The following EMB variants were observed in gnomAD, a reference collection of about 807,000 sequenced individuals.
EMB encodes the protein embigin.
A neutral mutation model predicts 41.4 loss-of-function variants in EMB; 31 were observed. The observed-to-expected ratio is 0.75, with a 90% CI of 0.56 to 1.01. EMB has a LOEUF of 1.01. Ranked by LOEUF, EMB falls within the 50% of genes least tolerant of loss-of-function variation. The probability of loss-of-function intolerance (pLI) is 0.00; values close to 1 mark genes in which losing one functional copy is unlikely to be tolerated. For missense variants in EMB, 379 were observed against 388.3 expected (o/e 0.98, Z 0.20); for synonymous variants, 137 against 140.4 (o/e 0.98, Z 0.17).
rs1226525715 is a variant in EMB at position 50,420,915 on chromosome 5, T to A, written c.196+7229A>T. On this transcript the variant is annotated intron_variant, in intron 2 of 8. Transcript: ENST00000303221. ...GATATGCAAGAAATGCATAAGAAGT[T>A]CTTGTCTCACACAGTTGACTCATCC... is the stretch of plus-strand genomic sequence containing the variant. Among the ~76,000 whole-genome samples, 25 of 152,164 alleles carry A rather than the reference T, an allele frequency of 1.6e-4. 1 individual carries two copies.
chr5:50,423,787 A>G (rs1745565060), intron 2 of EMB, among the ~76,000 whole-genome samples: 1 of 152,220 alleles, frequency 6.6e-6, no homozygotes, highest in East Asian at 1.9e-4. Context: ...GGACAGGCCC[A>G]CGTCTTTAAA....
chr5:50,419,211 A>C (rs1005018593), intron 2 of EMB, among the ~76,000 whole-genome samples: 1 of 152,104 alleles, frequency 6.6e-6, no homozygotes, highest in Non-Finnish European at 1.5e-5. Flanking sequence ...TATAAATCAC[A>C]CTTTAGTATT....
intron 4 of EMB, 26 bp downstream of exon 4, chr5:50,410,851 C>T (rs1745323779): frequency 7.3e-7 from 1 of 1,365,636 alleles, no homozygotes; most frequent in Middle Eastern, 1.9e-4. Flanking sequence ...AAGTTATTAA[C>T]TATTCCTCAA....
At chr5:50,415,056 C>T (rs150039964) in intron 2 of EMB, among the ~76,000 whole-genome samples, 4,789 of 152,134 alleles carry the variant, frequency 0.031, 100 homozygotes, top group Non-Finnish European at 0.048. Context: ...TCTGGATATC[C>T]CATGAGAACT....
At chr5:50,402,378 T>G (rs181260350) in intron 6 of EMB, 59 bp from the exon 7 acceptor site, 1 of 1,466,634 alleles carries the variant, frequency 6.8e-7, no homozygotes, top group Non-Finnish European at 9.5e-7. Flanking sequence ...ATGGAACATA[T>G]ATGCTCAATT....
At chr5:50,443,214 T>C (rs546000583), upstream of EMB, 161 of 152,304 alleles carry the variant, frequency 1.1e-3, no homozygotes, top group African/African-American at 3.8e-3. Context: ...CTCAGAGTAT[T>C]GCAGTTCTGA....
intron 2 of EMB, among the ~76,000 whole-genome samples, chr5:50,426,370 A>G (rs1745610560): frequency 6.6e-6 from 1 of 152,252 alleles, no homozygotes; most frequent in African/African-American, 2.4e-5. Flanking sequence ...AACATGGTAC[A>G]TAGTCAACAT....
intron 1 of EMB, among the ~76,000 whole-genome samples, chr5:50,440,727 C>T (rs1407905737): frequency 2.0e-5 from 3 of 152,046 alleles, no homozygotes; most frequent in Non-Finnish European, 4.4e-5. Flanking sequence ...ACCCACACAC[C>T]CCACTGCCTT....
upstream of EMB, chr5:50,441,320 C>T: frequency 2.5e-6 from 1 of 399,442 alleles, no homozygotes; most frequent in East Asian, 3.7e-5. Context: ...CGCCTTGCCC[C>T]ACTCCCCCGA....
Position 50,403,173 on chromosome 5 carries a change from C to G in EMB, c.877+5G>C. The G allele has an allele frequency of 6.4e-7, 1 of 1,559,220 alleles. No individual in the cohort carries two copies. The highest frequency in any genetic ancestry group is 8.6e-7 in the Non-Finnish European group (1 of 1,157,764). On this transcript the variant is annotated splice_donor_5th_base_variant and intron_variant, in intron 6 of 8. Transcript: ENST00000303221. ...AAAACAAAAAACAAAAAAAAGAAAT[C>G]CCACCTGAGTGCTTCTTTTTCTTTT... is the stretch of plus-strand genomic sequence containing the variant.
At chr5:50,428,733 C>T (rs764962012) in intron 1 of EMB, 43 of 985,254 alleles carry the variant, frequency 4.4e-5, no homozygotes, top group African/African-American at 7.0e-5. Context: ...TTTCTAGCTA[C>T]GGTTACCAAG....
At chr5:50,411,624 T>TG (rs1745339775) in intron 2 of EMB, 3 of 323,726 alleles carry the variant, frequency 9.3e-6, no homozygotes, top group African/African-American at 6.4e-5. Context: ...CTGTGATAGT[T>TG]ATCTCCTTAA....
intron 2 of EMB, among the ~76,000 whole-genome samples, chr5:50,414,260 A>C (rs1163255809): frequency 6.6e-6 from 1 of 152,112 alleles, no homozygotes; most frequent in African/African-American, 2.4e-5. Flanking sequence ...GCAATGGTTC[A>C]TGCCTGTGAT....
In EMB at chr5:50,403,339, G is replaced by A. The variant is rs770182432; in HGVS notation, c.716C>T (p.Ala239Val). 3 of 1,612,674 alleles carry A rather than the reference G, an allele frequency of 1.9e-6. No homozygotes were observed. In the African/African-American group the frequency reaches 4.0e-5, roughly 22 times the overall value. Residue 239 changes from alanine (A) to valine (V), a missense_variant, in exon 6 of 9, where the codon GCA (alanine) becomes GTA (valine). By Grantham distance (64) the Ala-to-Val change is moderately conservative. Coordinates refer to ENST00000303221, the MANE Select transcript of EMB (RefSeq NM_198449.3). ...EEDGESYWCR[A>V]LFQLGESEEH... ...TTCACTCTCGCCTAATTGGAATAGT[G>A]CACGGCACCAGTAAGATTCCCCATC...
intron 1 of EMB, among the ~76,000 whole-genome samples, chr5:50,431,398 T>TG (rs1745718189): frequency 2.0e-5 from 3 of 152,102 alleles, no homozygotes; most frequent in Non-Finnish European, 4.4e-5. Context: ...CAGCTAACAT[T>TG]GGGGTTTAAA....
At chr5:50,411,917 A>G (rs1174297288) in intron 2 of EMB, 3 of 152,204 alleles carry the variant, frequency 2.0e-5, no homozygotes, top group Non-Finnish European at 4.4e-5. Context: ...GGATATAGAC[A>G]TAGGTACAAG....
At position 50,399,872 on chromosome 5, in the gene EMB, C is replaced by T. The variant is rs1311637717; in HGVS notation, c.953G>A (p.Arg318Lys). 3 of 1,603,834 alleles carry T rather than the reference C, an allele frequency of 1.9e-6. No homozygotes were observed. The highest frequency in any genetic ancestry group is 1.3e-5 in the African/African-American group (1 of 74,260). The change falls in exon 8 of 9, where the codon AGG becomes AAG. Residue 318 changes from arginine (R) to lysine (K), a missense_variant. Physicochemically the swap from Arg to Lys is conservative, Grantham distance 26. Transcript: ENST00000303221. ...GAAGTAACTTACATTTTTTCTATGC[C>T]TGGGGACATTATTTTCTATACCATT... ...DSNGIENNVPRHRKNESLGQ is the reference protein window; with the variant it reads ...DSNGIENNVPKHRKNESLGQ
intron 1 of EMB, among the ~76,000 whole-genome samples, chr5:50,432,448 A>T (rs571696173): frequency 2.0e-4 from 30 of 152,210 alleles, no homozygotes; most frequent in Admixed American, 5.9e-4. Context: ...TTCATAAAAT[A>T]GAGATTTGGA....
chr5:50,411,973 AT>A (rs1158262598), intron 2 of EMB: 2 of 152,098 alleles, frequency 1.3e-5, no homozygotes, highest in African/African-American at 2.4e-5. Context: ...TTTTGACTGA[AT>A]TTCAATATCA....
Sources: gnomAD v4.1 joint callset for allele counts (sites outside exome capture counted in the v4.1 genomes callset) on GRCh38, gnomAD v4.1.1 for gene constraint, MANE v1.5 for transcripts, NCBI Gene and HGNC (gene_info 2026-07-23, HGNC 2026-07-21) for gene names.